The following LYRM4 variants were observed in gnomAD, a reference collection of about 807,000 sequenced individuals.
LYRM4 encodes the protein LYR motif-containing protein 4.
Under a neutral mutation model 11.7 loss-of-function variants are expected in LYRM4, and 9 were observed. The observed-to-expected ratio is 0.77, with a 90% CI of 0.46 to 1.34. The LOEUF (loss-of-function observed/expected upper bound fraction) is 1.34. Among genes scored for constraint, LYRM4 ranks in the 40% most tolerant of loss-of-function variants. The probability of loss-of-function intolerance (pLI) is 0.00; values close to 1 mark genes in which losing one functional copy is unlikely to be tolerated. For synonymous variants in LYRM4, 42 were observed against 40.4 expected (o/e 1.04, Z -0.15); for missense variants, 133 against 112.5 (o/e 1.18, Z -0.82).
chr6:5,091,477 T>G, the LYRM4 span, among the ~76,000 whole-genome samples: 2 of 152,182 alleles, frequency 1.3e-5, no homozygotes, highest in Non-Finnish European at 2.9e-5. Flanking sequence ...ATTGTCAGAG[T>G]GCTAAATACC....
intron 2 of LYRM4, among the ~76,000 whole-genome samples, chr6:5,147,620 C>T (rs989047725): frequency 6.6e-6 from 1 of 152,188 alleles, no homozygotes; most frequent in Non-Finnish European, 1.5e-5. Context: ...CTGTTTTATA[C>T]ATGGATTCCT....
At chr6:5,224,367 T>G (rs1762758045) in intron 1 of LYRM4, among the ~76,000 whole-genome samples, 1 of 152,188 alleles carries the variant, frequency 6.6e-6, no homozygotes, top group Non-Finnish European at 1.5e-5. Context: ...TCATTTTGTG[T>G]CCATCAAATT....
At chr6:5,238,337 A>G (rs1332521295) in intron 1 of LYRM4, among the ~76,000 whole-genome samples, 2 of 152,250 alleles carry the variant, frequency 1.3e-5, no homozygotes, top group South Asian at 4.1e-4. Flanking sequence ...GGGCAGTCCA[A>G]GTAAATTTAA....
chr6:5,154,036 G>A (rs535317663), intron 2 of LYRM4, among the ~76,000 whole-genome samples: 5 of 151,934 alleles, frequency 3.3e-5, no homozygotes, highest in East Asian at 3.9e-4. Context: ...TAAAAGCTAC[G>A]GAAACATTTT....
intron 1 of LYRM4, among the ~76,000 whole-genome samples, chr6:5,255,235 T>G (rs536902948): frequency 1.3e-5 from 2 of 152,340 alleles, no homozygotes; most frequent in South Asian, 2.1e-4. Flanking sequence ...ACTATTTTCA[T>G]AGTTATCAGG....
At chr6:5,207,729 T>C (rs1415747201) in intron 2 of LYRM4, among the ~76,000 whole-genome samples, 1 of 152,138 alleles carries the variant, frequency 6.6e-6, no homozygotes, top group East Asian at 1.9e-4. Flanking sequence ...TTTCGGAGTG[T>C]AGTTTTCGTA....
At chr6:5,048,001 A>G in the LYRM4 span, among the ~76,000 whole-genome samples, 1 of 152,174 alleles carries the variant, frequency 6.6e-6, no homozygotes, top group African/African-American at 2.4e-5. Flanking sequence ...AATCCCCTTC[A>G]ATAGTTTTCT....
At chr6:5,086,479 C>G in the LYRM4 span, 1 of 1,537,338 alleles carries the variant, frequency 6.5e-7, no homozygotes, top group Non-Finnish European at 8.7e-7. Context: ...TGTCTGCTAC[C>G]GCTGCGCGCA....
intron 1 of LYRM4, among the ~76,000 whole-genome samples, chr6:5,241,460 G>A (rs1367554988): frequency 3.3e-5 from 5 of 152,178 alleles, no homozygotes. Flanking sequence ...CATTACAATG[G>A]TTTTCATCAG....
In LYRM4 at chr6:5,108,559, G is replaced by T; in HGVS notation, c.*864C>A. ...GCCTCACCCCTCACTTACTGAGTCA[G>T]AATCTGCAGAGAGGGAAGTGCTGAG... On this transcript the variant is annotated 3_prime_UTR_variant, in exon 3 of 3. Coordinates refer to ENST00000330636, the MANE Select transcript of LYRM4 (RefSeq NM_020408.6). 5.3e-6 allele frequency: 2 copies of T among 380,296 alleles called. No homozygotes were observed. Among genetic ancestry groups the T allele is most frequent in the Non-Finnish European group, 7.2e-6 (2 of 276,620 alleles). The allele number at this position is 380,296 out of a possible 1,614,324, so 23.6% of individuals were successfully genotyped here.
chr6:5,053,639 AAAAG>A, the LYRM4 span, among the ~76,000 whole-genome samples: 5,318 of 151,924 alleles, frequency 0.035, 267 homozygotes, highest in African/African-American at 0.12. Context: ...TGCAAAAAAA[AAAAG>A]AAAGAAAGAA....
At chr6:5,100,118 A>C (rs1762454080), downstream of LYRM4, among the ~76,000 whole-genome samples, 1 of 152,206 alleles carries the variant, frequency 6.6e-6, no homozygotes, top group Non-Finnish European at 1.5e-5. Context: ...TTACCTACTA[A>C]AAAATGGGAA....
At chr6:5,201,254 CAAGG>C (rs1371559170) in intron 2 of LYRM4, among the ~76,000 whole-genome samples, 2 of 151,994 alleles carry the variant, frequency 1.3e-5, no homozygotes, top group Non-Finnish European at 2.9e-5. Context: ...TTGTCCCCAT[CAAGG>C]ATGGGGACAA....
chr6:5,100,211 C>A (rs1762456393), downstream of LYRM4, among the ~76,000 whole-genome samples: 1 of 152,184 alleles, frequency 6.6e-6, no homozygotes. Flanking sequence ...GAAACTGATA[C>A]AAGCCAGCGT....
chr6:5,077,400 G>T, the LYRM4 span, among the ~76,000 whole-genome samples: 2 of 152,326 alleles, frequency 1.3e-5, no homozygotes, highest in South Asian at 4.1e-4. Context: ...CCCAGAAGCT[G>T]AAAGACGCTG....
intron 2 of LYRM4, among the ~76,000 whole-genome samples, chr6:5,180,316 G>A (rs1336937919): frequency 6.6e-6 from 1 of 152,200 alleles, no homozygotes; most frequent in African/African-American, 2.4e-5. Context: ...GCGTGTGACT[G>A]TTATCTCGTG....
At chr6:5,216,833 G>A in intron 1 of LYRM4, 95 bp from the exon 2 acceptor site, 1 of 1,412,444 alleles carries the variant, frequency 7.1e-7, no homozygotes, top group South Asian at 1.4e-5. Context: ...AGAATTAACT[G>A]TTTAATCTTC....
At chr6:5,221,177 C>A (rs1209049806) in intron 1 of LYRM4, among the ~76,000 whole-genome samples, 1 of 152,182 alleles carries the variant, frequency 6.6e-6, no homozygotes, top group Non-Finnish European at 1.5e-5. Context: ...TCTGCTGCCC[C>A]TTACATGCTG....
At chr6:5,254,528 C>A (rs895063762) in intron 1 of LYRM4, among the ~76,000 whole-genome samples, 3 of 152,082 alleles carry the variant, frequency 2.0e-5, no homozygotes, top group Non-Finnish European at 4.4e-5. Flanking sequence ...ACTTTTGCAC[C>A]AACTTGCTAC....
Sources: allele counts gnomAD v4.1 joint callset (sites outside exome capture counted in the v4.1 genomes callset), GRCh38; gene constraint gnomAD v4.1.1; transcripts MANE v1.5; gene names NCBI Gene and HGNC (gene_info 2026-07-23, HGNC 2026-07-21).